Variants in GNAQ observed in about 807,000 individuals in gnomAD.
The protein encoded by GNAQ is guanine nucleotide-binding protein G(q) subunit alpha.
Under a neutral mutation model 43.9 loss-of-function variants are expected in GNAQ, and 8 were observed. That is an observed-to-expected ratio of 0.18 (90% CI 0.11 to 0.33). The LOEUF (loss-of-function observed/expected upper bound fraction) is 0.33. Ranked by LOEUF, GNAQ falls within the 10% of genes least tolerant of loss-of-function variation. The pLI is 1.00. For synonymous variants in GNAQ, 155 were observed against 170.7 expected (o/e 0.91, Z 0.71); for missense variants, 158 against 450.8 (o/e 0.35, Z 5.88).
At chr9:77,808,374 T>C (rs7860154) in intron 3 of GNAQ, among the ~76,000 whole-genome samples, 1,601 of 150,216 alleles carry the variant, frequency 0.011, 29 homozygotes, top group African/African-American at 0.031. Flanking sequence ...TTTGTTGTTT[T>C]ACCAAAGATT....
intron 3 of GNAQ, among the ~76,000 whole-genome samples, chr9:77,814,752 T>A (rs879313847): frequency 6.6e-6 from 1 of 152,162 alleles, no homozygotes. Context: ...GGCATAAGGT[T>A]ACTGATTATT....
At chr9:77,797,101 C>T (rs1433194030) in intron 4 of GNAQ, among the ~76,000 whole-genome samples, 2 of 152,016 alleles carry the variant, frequency 1.3e-5, no homozygotes, top group African/African-American at 4.8e-5. Flanking sequence ...GGCGCAATCT[C>T]GTCTCATTGC....
chr9:77,974,804 A>T (rs1823278340), intron 1 of GNAQ, among the ~76,000 whole-genome samples: 1 of 152,268 alleles, frequency 6.6e-6, no homozygotes, highest in Non-Finnish European at 1.5e-5. Flanking sequence ...CAAACTGCAA[A>T]GCATGACGGA....
At chr9:77,763,317 G>A (rs1056185507) in intron 5 of GNAQ, among the ~76,000 whole-genome samples, 7 of 152,128 alleles carry the variant, frequency 4.6e-5, no homozygotes. Context: ...ACTATTATAT[G>A]TTGTGATGAT....
intron 1 of GNAQ, among the ~76,000 whole-genome samples, chr9:77,972,750 C>T (rs1823252905): frequency 2.0e-5 from 3 of 151,868 alleles, no homozygotes; most frequent in South Asian, 4.2e-4. Flanking sequence ...CTGAGGAGTT[C>T]GAGACCAGCC....
At chr9:77,891,527 G>A (rs1012840932) in intron 2 of GNAQ, among the ~76,000 whole-genome samples, 1 of 152,190 alleles carries the variant, frequency 6.6e-6, no homozygotes, top group Non-Finnish European at 1.5e-5. Flanking sequence ...CTGAGGACAT[G>A]TTGCTATTGC....
At chr9:77,839,590 C>G (rs575374528) in intron 2 of GNAQ, among the ~76,000 whole-genome samples, 25 of 152,338 alleles carry the variant, frequency 1.6e-4, no homozygotes, top group African/African-American at 6.0e-4. Context: ...CCTCATGGCA[C>G]TGCCAGTGAT....
Position 77,776,685 on chromosome 9 carries a change from C to G in GNAQ, c.735+17778G>C, listed in dbSNP as rs189763864. On this transcript the variant is annotated intron_variant, in intron 5 of 6. Transcript: ENST00000286548. The stretch of plus-strand genomic sequence containing the variant: ...TTCAATAATGTATAGAACAAAAAGG[C>G]AGAATATCCACAAACAAAAACACAA... Among the ~76,000 whole-genome samples the G allele has an allele frequency of 4.6e-5, 7 of 152,232 alleles. No individual in the cohort carries two copies. The East Asian group carries it at 1.4e-3, about 29-fold the overall frequency.
At chr9:77,973,072 A>C (rs1823257963) in intron 1 of GNAQ, among the ~76,000 whole-genome samples, 1 of 152,036 alleles carries the variant, frequency 6.6e-6, no homozygotes, top group Non-Finnish European at 1.5e-5. Flanking sequence ...AAATTTTCCC[A>C]AAATCAATCT....
intron 5 of GNAQ, among the ~76,000 whole-genome samples, chr9:77,783,827 G>C (rs1435425973): frequency 6.6e-6 from 1 of 152,142 alleles, no homozygotes; most frequent in East Asian, 1.9e-4. Context: ...CAGCTACTTG[G>C]AGGCTGAAGA....
intron 1 of GNAQ, among the ~76,000 whole-genome samples, chr9:77,988,831 G>A (rs1326250253): frequency 2.0e-5 from 3 of 152,132 alleles, no homozygotes; most frequent in African/African-American, 7.2e-5. Flanking sequence ...AAATACTGGG[G>A]ACTTTTTTGA....
At chr9:78,010,211 C>A (rs1322343992) in intron 1 of GNAQ, among the ~76,000 whole-genome samples, 1 of 152,098 alleles carries the variant, frequency 6.6e-6, no homozygotes, top group African/African-American at 2.4e-5. Flanking sequence ...GAAATGATGG[C>A]AAGAACTCAC....
At chr9:77,915,222 T>G (rs1828878905) in intron 2 of GNAQ, among the ~76,000 whole-genome samples, 1 of 152,240 alleles carries the variant, frequency 6.6e-6, no homozygotes, top group Non-Finnish European at 1.5e-5. Flanking sequence ...AGGAGATTTC[T>G]GTACCTCTTT....
chr9:77,965,648 T>G (rs904856226), intron 1 of GNAQ, among the ~76,000 whole-genome samples: 1 of 152,078 alleles, frequency 6.6e-6, no homozygotes, highest in African/African-American at 2.4e-5. Context: ...ATTAGATACT[T>G]CACACCCATT....
intron 1 of GNAQ, among the ~76,000 whole-genome samples, chr9:77,945,950 A>G (rs939359044): frequency 8.5e-5 from 13 of 152,200 alleles, no homozygotes; most frequent in Admixed American, 2.6e-4. Context: ...AGGTTGCCAC[A>G]CTTCCTGAAT....
chr9:78,003,108 G>A (rs1232122246), intron 1 of GNAQ, among the ~76,000 whole-genome samples: 2 of 152,138 alleles, frequency 1.3e-5, no homozygotes, highest in Admixed American at 1.3e-4. Flanking sequence ...TAGCAACCAA[G>A]TTAAAAGATT....
chr9:77,832,265 A>C (rs1827311434), intron 2 of GNAQ, among the ~76,000 whole-genome samples: 1 of 152,156 alleles, frequency 6.6e-6, no homozygotes, highest in African/African-American at 2.4e-5. Flanking sequence ...CTACAAGGAC[A>C]CTGTATTTTT....
intron 1 of GNAQ, among the ~76,000 whole-genome samples, chr9:78,008,010 T>C (rs1221184742): frequency 6.6e-6 from 1 of 152,242 alleles, no homozygotes; most frequent in Non-Finnish European, 1.5e-5. Flanking sequence ...ACTTCAGGCA[T>C]TTCAACGAGC....
intron 5 of GNAQ, among the ~76,000 whole-genome samples, chr9:77,768,358 T>C (rs1263862919): frequency 3.3e-5 from 5 of 152,226 alleles, no homozygotes; most frequent in Admixed American, 3.3e-4. Context: ...ATTAAGACCC[T>C]TTCTGTGCCT....
Sources: gnomAD v4.1 joint callset for allele counts (sites outside exome capture counted in the v4.1 genomes callset) on GRCh38, gnomAD v4.1.1 for gene constraint, MANE v1.5 for transcripts, NCBI Gene and HGNC (gene_info 2026-07-23, HGNC 2026-07-21) for gene names.